Variants in MCPH1 observed in about 807,000 individuals in gnomAD.
The protein encoded by MCPH1 is microcephalin.
MCPH1 carries 104 observed loss-of-function variants against 84.5 expected under a neutral mutation model. The observed-to-expected ratio is 1.23, with a 90% CI of 1.05 to 1.45. MCPH1 has a LOEUF of 1.45. Ranked by LOEUF, MCPH1 falls within the 40% of genes most tolerant of loss-of-function variation. The pLI is 0.00. For missense variants in MCPH1, 1,498 were observed against 1,005.7 expected (o/e 1.49, Z -6.62); for synonymous variants, 514 against 366.8 (o/e 1.40, Z -4.58).
intron 3 of MCPH1, among the ~76,000 whole-genome samples, chr8:6,430,526 G>T (rs1441373898): frequency 6.6e-6 from 1 of 152,178 alleles, no homozygotes; most frequent in Non-Finnish European, 1.5e-5. Flanking sequence ...ATACTGTGCC[G>T]TACAGAGGCA....
chr8:6,547,064 T>C (rs1822727056), intron 12 of MCPH1, among the ~76,000 whole-genome samples: 1 of 152,124 alleles, frequency 6.6e-6, no homozygotes, highest in Admixed American at 6.5e-5. Context: ...GTACCGTGGT[T>C]GCCTTCGGGC....
intron 3 of MCPH1, among the ~76,000 whole-genome samples, chr8:6,431,044 G>A (rs931432688): frequency 6.6e-6 from 1 of 152,124 alleles, no homozygotes; most frequent in Non-Finnish European, 1.5e-5. Flanking sequence ...GGCTGATGGT[G>A]GTGTCTGGAC....
intron 12 of MCPH1, chr8:6,501,713 G>A (rs1358380583): frequency 6.6e-5 from 10 of 151,894 alleles, no homozygotes; most frequent in African/African-American, 9.7e-5. Context: ...CCGCCAGCAC[G>A]CCTGGCTAAT....
chr8:6,408,229 C>T (rs1156539528), intron 1 of MCPH1, among the ~76,000 whole-genome samples: 1 of 152,178 alleles, frequency 6.6e-6, no homozygotes, highest in East Asian at 1.9e-4. Flanking sequence ...AAAAGGCTTT[C>T]AGTAGAAATT....
In MCPH1 at chr8:6,643,303, T is replaced by A; in HGVS notation, c.*254T>A. On this transcript the variant is annotated 3_prime_UTR_variant, in exon 14 of 14. Coordinates refer to ENST00000344683, the MANE Select transcript of MCPH1 (RefSeq NM_024596.5). ...TTTTTGAGACGGAGTCCTGCCCTGT[T>A]TCCCAGGCTGGAGTGCAATGGCACA... The A allele has an allele frequency of 2.1e-6, 1 of 480,142 alleles. No homozygotes were observed. Among genetic ancestry groups the A allele is most frequent in the Non-Finnish European group, 3.8e-6 (1 of 265,646 alleles). 29.7% of individuals were successfully genotyped at this position (480,142 alleles called of 1,614,324 possible). A position where few individuals can be genotyped will look rare whatever the true frequency, so the allele number is the denominator to read the frequency against.
intron 12 of MCPH1, chr8:6,616,945 C>A (rs1830854139): frequency 6.6e-6 from 1 of 152,146 alleles, no homozygotes; most frequent in South Asian, 2.1e-4. Context: ...CTGCTCACGG[C>A]CTGCCACCTT....
chr8:6,549,298 AT>A (rs1386454628), intron 12 of MCPH1, among the ~76,000 whole-genome samples: 1 of 152,272 alleles, frequency 6.6e-6, no homozygotes, highest in Non-Finnish European at 1.5e-5. Context: ...AAACTTTAAC[AT>A]GCACAACAAC....
intron 12 of MCPH1, among the ~76,000 whole-genome samples, chr8:6,541,725 C>T (rs1455755067): frequency 2.0e-5 from 3 of 152,034 alleles, no homozygotes; most frequent in East Asian, 1.9e-4. Flanking sequence ...AATGTAGGGC[C>T]GGGCATAGTG....
At chr8:6,600,270 A>AC (rs1229440278) in intron 12 of MCPH1, among the ~76,000 whole-genome samples, 2 of 152,152 alleles carry the variant, frequency 1.3e-5, no homozygotes, top group Non-Finnish European at 2.9e-5. Context: ...TTAGTCAGGG[A>AC]CCCCCAGGGG....
chr8:6,458,256 A>T (rs186471594), intron 9 of MCPH1, among the ~76,000 whole-genome samples: 1 of 152,096 alleles, frequency 6.6e-6, no homozygotes, highest in African/African-American at 2.4e-5. Context: ...GCAGATCATG[A>T]GGTCAGGAGA....
rs920446013 is a variant in MCPH1, at chr8:6,589,610, G to A, written c.2215-31844G>A. Among the ~76,000 whole-genome samples the A allele has an allele frequency of 5.3e-5, 8 of 152,198 alleles. 1 individual carries two copies. Among genetic ancestry groups the A allele is most frequent in the African/African-American group, 1.9e-4 (8 of 41,444 alleles). On this transcript the variant is annotated intron_variant, in intron 12 of 13. Transcript: ENST00000344683. ...AAGCTTCAGTGACTGCCTACTGTGTGCCAGGCATTTTCATCTTCCATCTCG... is the reference window on the plus strand; with the variant it reads ...AAGCTTCAGTGACTGCCTACTGTGTACCAGGCATTTTCATCTTCCATCTCG...
intron 9 of MCPH1, among the ~76,000 whole-genome samples, chr8:6,476,472 C>A (rs901818532): frequency 1.3e-5 from 2 of 150,380 alleles, no homozygotes; most frequent in African/African-American, 2.4e-5. Context: ...CAGTCATAGA[C>A]CAAACTTAAA....
At chr8:6,414,376 T>G (rs1462269679) in intron 2 of MCPH1, among the ~76,000 whole-genome samples, 1 of 152,258 alleles carries the variant, frequency 6.6e-6, no homozygotes, top group Non-Finnish European at 1.5e-5. Context: ...TTTTCTCTGT[T>G]GCCTCTGAAT....
intron 12 of MCPH1, among the ~76,000 whole-genome samples, chr8:6,573,929 T>G (rs915828762): frequency 1.3e-5 from 2 of 152,254 alleles, no homozygotes; most frequent in Non-Finnish European, 2.9e-5. Flanking sequence ...CTGATCATCT[T>G]ATTCCCCTAG....
chr8:6,590,494 T>C (rs972964137), intron 12 of MCPH1, among the ~76,000 whole-genome samples: 9 of 152,186 alleles, frequency 5.9e-5, no homozygotes, highest in African/African-American at 1.9e-4. Context: ...TCATGTCAGA[T>C]GCCCCTCGGC....
At chr8:6,617,688 T>A (rs912397644) in intron 12 of MCPH1, among the ~76,000 whole-genome samples, 27 of 152,040 alleles carry the variant, frequency 1.8e-4, no homozygotes, top group African/African-American at 6.5e-4. Context: ...GGGAGTTGTA[T>A]TGTTTTGAGA....
chr8:6,599,825 C>T (rs1035612508), intron 12 of MCPH1, among the ~76,000 whole-genome samples: 4 of 152,154 alleles, frequency 2.6e-5, no homozygotes, highest in Admixed American at 6.5e-5. Context: ...ATAAAGCAAG[C>T]GGGAATTCTC....
chr8:6,455,384 C>T (rs2129556822), intron 9 of MCPH1, 132 bp downstream of exon 9: 1 of 699,554 alleles, frequency 1.4e-6, no homozygotes. Flanking sequence ...TGGGTAAATG[C>T]TGGAAAACTC....
intron 12 of MCPH1, chr8:6,616,473 G>C (rs1683580425): frequency 6.6e-6 from 1 of 152,264 alleles, no homozygotes; most frequent in Admixed American, 6.5e-5. Flanking sequence ...TAGATTCGGA[G>C]AGTGTGAGCT....
Sources: allele counts gnomAD v4.1 joint callset (sites outside exome capture counted in the v4.1 genomes callset), GRCh38; gene constraint gnomAD v4.1.1; transcripts MANE v1.5; gene names NCBI Gene and HGNC (gene_info 2026-07-23, HGNC 2026-07-21).